Variants in HSP90AA1 observed in about 807,000 individuals in gnomAD.
The protein encoded by HSP90AA1 is heat shock protein 90 alpha family class A member 1.
A neutral mutation model predicts 73.3 loss-of-function variants in HSP90AA1; 18 were observed. The observed-to-expected ratio is 0.25, with a 90% CI of 0.17 to 0.36. The LOEUF (loss-of-function observed/expected upper bound fraction) is 0.36. HSP90AA1 is among the 10% of genes least tolerant of loss of function. HSP90AA1 has a pLI of 1.00. For missense variants in HSP90AA1, 704 were observed against 874.2 expected (o/e 0.81, Z 2.45); for synonymous variants, 477 against 296.9 (o/e 1.61, Z -6.24).
intron 1 of HSP90AA1, among the ~76,000 whole-genome samples, chr14:102,112,325 A>T (rs1046028344): frequency 2.6e-5 from 4 of 152,222 alleles, no homozygotes; most frequent in African/African-American, 7.2e-5. Context: ...GGTGCCCGCC[A>T]CCACACCCAG....
chr14:102,092,487 G>C (rs187046512), intron 2 of HSP90AA1, among the ~76,000 whole-genome samples: 1 of 152,140 alleles, frequency 6.6e-6, no homozygotes, highest in East Asian at 1.9e-4. Flanking sequence ...TTGTTTAAAT[G>C]TTCTTTTTGA....
At chr14:102,103,800 G>A (rs1319417849) in intron 1 of HSP90AA1, among the ~76,000 whole-genome samples, 104 of 146,558 alleles carry the variant, frequency 7.1e-4, no homozygotes, top group Non-Finnish European at 9.0e-4. Context: ...GCAAAACTCC[G>A]TCTCAAAACA....
chr14:102,114,828 C>A (rs893914601), intron 1 of HSP90AA1, among the ~76,000 whole-genome samples: 5 of 151,942 alleles, frequency 3.3e-5, no homozygotes, highest in African/African-American at 1.2e-4. Flanking sequence ...GTTGGAACCT[C>A]ATCTCTACTA....
chr14:102,082,628 ATT>A, intron 9 of HSP90AA1, 184 bp from the exon 10 acceptor site: 2 of 566,554 alleles, frequency 3.5e-6, no homozygotes, highest in Non-Finnish European at 3.1e-6. Flanking sequence ...TACATGCACA[ATT>A]TTTTTTTTGA....
chr14:102,123,228 C>G (rs982202462), intron 1 of HSP90AA1, among the ~76,000 whole-genome samples: 1 of 151,574 alleles, frequency 6.6e-6, no homozygotes, highest in African/African-American at 2.4e-5. Context: ...AACCCCATTT[C>G]TACTAAAAAT....
At chr14:102,114,325 C>T (rs371667459) in intron 1 of HSP90AA1, among the ~76,000 whole-genome samples, 1 of 152,076 alleles carries the variant, frequency 6.6e-6, no homozygotes, top group African/African-American at 2.4e-5. Flanking sequence ...CTCTAAGTCA[C>T]GTTTAGAGGC....
chr14:102,120,326 T>C (rs2049760233), intron 1 of HSP90AA1, among the ~76,000 whole-genome samples: 1 of 152,136 alleles, frequency 6.6e-6, no homozygotes, highest in African/African-American at 2.4e-5. Context: ...GCCACTGCAC[T>C]CTATCCTGGG....
chr14:102,101,002 A>G, intron 2 of HSP90AA1, among the ~76,000 whole-genome samples: 1 of 152,084 alleles, frequency 6.6e-6, no homozygotes, highest in East Asian at 1.9e-4. Flanking sequence ...AGTACCTCCC[A>G]TTCTTGTTCA....
intron 2 of HSP90AA1, among the ~76,000 whole-genome samples, chr14:102,099,971 G>A (rs1254096663): frequency 6.6e-6 from 1 of 152,182 alleles, no homozygotes; most frequent in Non-Finnish European, 1.5e-5. Context: ...TGGAGAGCTT[G>A]AGTCCGGGAG....
upstream of HSP90AA1, among the ~76,000 whole-genome samples, chr14:102,087,908 T>C (rs2049285633): frequency 1.3e-5 from 2 of 151,852 alleles, no homozygotes; most frequent in Admixed American, 6.6e-5. Context: ...TCTAACACTT[T>C]GGTGATTAAC....
chr14:102,090,752 C>T (rs145884772), upstream of HSP90AA1, among the ~76,000 whole-genome samples: 39 of 152,306 alleles, frequency 2.6e-4, no homozygotes, highest in Non-Finnish European at 4.7e-4. Flanking sequence ...TGCCTGGCCT[C>T]AACAACGTAT....
chr14:102,084,574 A>G lies in HSP90AA1; in HGVS notation c.982-10T>C. The G allele has an allele frequency of 6.2e-7, 1 of 1,614,204 alleles. No individual in the cohort carries two copies. The highest frequency in any genetic ancestry group is 1.1e-5 in the South Asian group (1 of 91,082). On this transcript the variant is annotated splice_polypyrimidine_tract_variant and intron_variant, in intron 5 of 10. Transcript: ENST00000216281. ...CTTCAACTGAAAAATGCTGTAATAAAACAGATACACTAAGTACCAATGAAC... is the reference window on the plus strand; with the variant it reads ...CTTCAACTGAAAAATGCTGTAATAAGACAGATACACTAAGTACCAATGAAC...
chr14:102,131,662 A>C (rs1252904672), intron 1 of HSP90AA1, among the ~76,000 whole-genome samples: 1 of 152,048 alleles, frequency 6.6e-6, no homozygotes, highest in Non-Finnish European at 1.5e-5. Flanking sequence ...TACTTCTTTC[A>C]AGTCTTTACA....
intron 1 of HSP90AA1, among the ~76,000 whole-genome samples, chr14:102,107,497 G>A (rs1190921759): frequency 6.6e-6 from 1 of 151,836 alleles, no homozygotes; most frequent in African/African-American, 2.4e-5. Context: ...GCTAATTTTT[G>A]AATTTTTAAT....
At chr14:102,081,843 CA>C (rs1160105670) in intron 10 of HSP90AA1, 22 bp from the exon 11 acceptor site, 2 of 1,126,648 alleles carry the variant, frequency 1.8e-6, no homozygotes, top group South Asian at 2.5e-5. Flanking sequence ...ATAAAATCCT[CA>C]TATTACAAAG....
At chr14:102,115,500 T>C (rs1269504836) in intron 1 of HSP90AA1, among the ~76,000 whole-genome samples, 4 of 152,196 alleles carry the variant, frequency 2.6e-5, no homozygotes, top group Non-Finnish European at 5.9e-5. Context: ...AATTGTTCTC[T>C]GTTGCGCTTG....
intron 3 of HSP90AA1, 157 bp from the exon 4 acceptor site, chr14:102,085,588 A>G (rs2049209138): frequency 8.0e-7 from 1 of 1,250,316 alleles, no homozygotes; most frequent in Non-Finnish European, 1.1e-6. Flanking sequence ...GCCTCGCCCA[A>G]AAGAACCGCC....
upstream of HSP90AA1, chr14:102,087,166 C>G: frequency 1.0e-6 from 1 of 983,630 alleles, no homozygotes; most frequent in South Asian, 4.7e-5. Context: ...GGCCGCGCGC[C>G]TACGCATGCG....
rs908141653 is a variant in HSP90AA1 at position 102,081,563 on chromosome 14, G to C, written c.*149C>G. On this transcript the variant is annotated 3_prime_UTR_variant, in exon 11 of 11. Coordinates refer to ENST00000216281, the MANE Select transcript of HSP90AA1 (RefSeq NM_005348.4). Reference sequence around the variant, plus strand: ...GCCTAAGGTATCACAGCATCACTTAGTAGACAGAAATCTTATCTTCCCCTT... The same window carrying C: ...GCCTAAGGTATCACAGCATCACTTACTAGACAGAAATCTTATCTTCCCCTT... 4 of 657,352 alleles carry C rather than the reference G, an allele frequency of 6.1e-6. No homozygotes were observed. Among genetic ancestry groups the C allele is most frequent in the African/African-American group, 5.4e-5 (3 of 55,264 alleles). 40.7% of individuals were successfully genotyped at this position (657,352 alleles called of 1,614,324 possible).
Sources: allele counts gnomAD v4.1 joint callset (sites outside exome capture counted in the v4.1 genomes callset), GRCh38; gene constraint gnomAD v4.1.1; transcripts MANE v1.5; gene names NCBI Gene and HGNC (gene_info 2026-07-23, HGNC 2026-07-21).